Variants in ANKS1B observed in about 807,000 individuals in gnomAD.
ANKS1B encodes ankyrin repeat and sterile alpha motif domain-containing protein 1B.
Under a neutral mutation model 148.3 loss-of-function variants are expected in ANKS1B, and 36 were observed. The ratio of observed to expected loss-of-function variants is 0.24; its 90% confidence interval spans 0.19 to 0.32. The LOEUF is 0.32. Ranked by LOEUF, ANKS1B falls within the 10% of genes least tolerant of loss-of-function variation. The pLI, the probability that ANKS1B is intolerant of heterozygous loss-of-function variation, is 1.00. For synonymous variants in ANKS1B, 542 were observed against 560.8 expected (o/e 0.97, Z 0.47); for missense variants, 1,157 against 1,542.6 (o/e 0.75, Z 4.19).
At chr12:98,914,154 T>C (rs895522535) in intron 17 of ANKS1B, among the ~76,000 whole-genome samples, 2 of 152,254 alleles carry the variant, frequency 1.3e-5, no homozygotes, top group Admixed American at 1.3e-4. Flanking sequence ...CTCTATCCTC[T>C]TGGTGATGAG....
intron 16 of ANKS1B, among the ~76,000 whole-genome samples, chr12:99,075,570 C>T (rs2047583888): frequency 1.3e-5 from 2 of 152,062 alleles, no homozygotes; most frequent in Non-Finnish European, 2.9e-5. Context: ...ATTTATATAG[C>T]CCAAATAACT....
chr12:99,137,193 G>C (rs1174368681), intron 15 of ANKS1B, among the ~76,000 whole-genome samples: 2 of 152,174 alleles, frequency 1.3e-5, no homozygotes, highest in Non-Finnish European at 2.9e-5. Flanking sequence ...AAAGTGCACT[G>C]TTTTCTCTGT....
At chr12:99,442,528 T>A (rs2095565774) in intron 11 of ANKS1B, among the ~76,000 whole-genome samples, 1 of 151,648 alleles carries the variant, frequency 6.6e-6, no homozygotes, top group Admixed American at 6.6e-5. Flanking sequence ...AAAAAGAAAC[T>A]CCAAATCAGT....
At chr12:99,884,201 T>C (rs1025725837) in intron 1 of ANKS1B, among the ~76,000 whole-genome samples, 2 of 151,740 alleles carry the variant, frequency 1.3e-5, no homozygotes, top group Non-Finnish European at 2.9e-5. Context: ...TAAATAAAAA[T>C]CCACAAGAAC....
In ANKS1B at chr12:99,017,590, C is replaced by T. The variant is rs183352869; in HGVS notation, c.2778+35567G>A. On this transcript the variant is annotated intron_variant, in intron 17 of 26. Coordinates refer to ENST00000683438, the MANE Select transcript of ANKS1B (RefSeq NM_001352186.2). ...CAGAGGTAGACTCAGCATACGAAGA[C>T]TGTTTTCCATACCAGTATGATTCCA... Among the ~76,000 whole-genome samples the T allele has an allele frequency of 4.4e-3, 671 of 152,308 alleles. 19 individuals carry two copies. The highest frequency in any genetic ancestry group is 1.7e-3 in the Non-Finnish European group (113 of 68,020).
At chr12:99,498,786 AAAT>A (rs1325058998) in intron 10 of ANKS1B, among the ~76,000 whole-genome samples, 3 of 152,258 alleles carry the variant, frequency 2.0e-5, no homozygotes. Context: ...GTGCATCAAG[AAAT>A]GTCTCCACGT....
In ANKS1B at chr12:99,095,113, T is replaced by C. The variant is rs150660855; in HGVS notation, c.2527-10090A>G. Among the ~76,000 whole-genome samples the C allele has an allele frequency of 4.4e-3, 677 of 152,268 alleles. 4 individuals carry two copies. Among genetic ancestry groups the C allele is most frequent in the Middle Eastern group, 0.027 (8 of 294 alleles). ...TATGACAAGGATGAAATCAGAATAG[T>C]CTTTGATAAAGGTTCTATGTGGATA... On this transcript the variant is annotated intron_variant, in intron 15 of 26. Transcript: ENST00000683438.
intron 11 of ANKS1B, among the ~76,000 whole-genome samples, chr12:99,427,836 A>G (rs994956023): frequency 2.0e-5 from 3 of 152,168 alleles, no homozygotes; most frequent in African/African-American, 7.2e-5. Flanking sequence ...AAGAAAGAAC[A>G]GAAGTTAACC....
chr12:99,366,788 C>A (rs142221459), intron 12 of ANKS1B, among the ~76,000 whole-genome samples: 3 of 152,020 alleles, frequency 2.0e-5, no homozygotes, highest in African/African-American at 7.2e-5. Context: ...GGGAGCCTTT[C>A]TAACTATGAC....
At chr12:99,562,183 A>T (rs2153200650) in intron 9 of ANKS1B, among the ~76,000 whole-genome samples, 1 of 152,318 alleles carries the variant, frequency 6.6e-6, no homozygotes, top group South Asian at 2.1e-4. Context: ...TACTCAGTAA[A>T]CTATGCCATA....
chr12:98,971,112 G>A (rs1481332204), intron 17 of ANKS1B, among the ~76,000 whole-genome samples: 1 of 152,170 alleles, frequency 6.6e-6, no homozygotes, highest in Admixed American at 6.6e-5. Flanking sequence ...TGCTGGCTGG[G>A]TGACCTTGGC....
chr12:99,984,661 C>A lies in ANKS1B; in HGVS notation c.-424G>T, dbSNP rs368298790. ...AGCTGGAGCGGGAGCGCAGGGAACA[C>A]CCGCGGTGGCAGCAGCGGCCCGCGC... On this transcript the variant is annotated 5_prime_UTR_variant, in exon 1 of 27. Transcript: ENST00000683438. 6.5e-6 allele frequency: 1 copy of A among 153,968 alleles called. No individual in the cohort carries two copies. The highest frequency in any genetic ancestry group is 1.8e-4 in the South Asian group (1 of 5,630). 9.5% of individuals were successfully genotyped at this position (153,968 alleles called of 1,614,324 possible). A position where few individuals can be genotyped will look rare whatever the true frequency, so the allele number is the denominator to read the frequency against.
chr12:98,825,396 T>C (rs527685693), intron 19 of ANKS1B, among the ~76,000 whole-genome samples: 6 of 152,372 alleles, frequency 3.9e-5, no homozygotes, highest in Non-Finnish European at 8.8e-5. Flanking sequence ...AATTTTCTAA[T>C]AATTTAGAAA....
chr12:98,847,374 G>C lies in ANKS1B; in HGVS notation c.2779-15238C>G, dbSNP rs568562802. 3.2e-4 allele frequency among the ~76,000 whole-genome samples: 48 copies of C among 152,220 alleles called. 1 individual carries two copies. The East Asian group carries it at 7.9e-3, about 25-fold the overall frequency. On this transcript the variant is annotated intron_variant, in intron 17 of 26. Coordinates refer to ENST00000683438, the MANE Select transcript of ANKS1B (RefSeq NM_001352186.2). ...AGATCATATAGTATTTGCTTTCTGT[G>C]CCTGGCTTATTTCACTTAGCATAAT... is the stretch of plus-strand genomic sequence containing the variant.
chr12:99,699,407 A>G (rs777322424), intron 8 of ANKS1B, among the ~76,000 whole-genome samples: 140 of 152,034 alleles, frequency 9.2e-4, no homozygotes, highest in Admixed American at 2.4e-3. Flanking sequence ...TGACTTTCTT[A>G]AGCTATAAAA....
intron 17 of ANKS1B, among the ~76,000 whole-genome samples, chr12:98,959,397 G>T (rs1038851462): frequency 6.6e-6 from 1 of 152,134 alleles, no homozygotes; most frequent in African/African-American, 2.4e-5. Flanking sequence ...GGTAGAGGCT[G>T]GGTGGGCATG....
intron 8 of ANKS1B, among the ~76,000 whole-genome samples, chr12:99,696,679 G>T (rs1379377520): frequency 6.6e-6 from 1 of 151,932 alleles, no homozygotes; most frequent in East Asian, 1.9e-4. Flanking sequence ...AACATTTTAG[G>T]TGCAACACTG....
intron 1 of ANKS1B, among the ~76,000 whole-genome samples, chr12:99,922,768 G>A (rs538641341): frequency 6.6e-6 from 1 of 151,426 alleles, no homozygotes; most frequent in South Asian, 2.1e-4. Context: ...GGGTATGAAG[G>A]CTCTGCCCTT....
At chr12:99,357,841 C>T (rs193045598) in intron 12 of ANKS1B, among the ~76,000 whole-genome samples, 2,471 of 152,030 alleles carry the variant, frequency 0.016, 70 homozygotes, top group African/African-American at 0.056. Flanking sequence ...ATTGTAACTA[C>T]AATACATGAT....
Sources: gnomAD v4.1 joint callset for allele counts (sites outside exome capture counted in the v4.1 genomes callset) on GRCh38, gnomAD v4.1.1 for gene constraint, MANE v1.5 for transcripts, NCBI Gene and HGNC (gene_info 2026-07-23, HGNC 2026-07-21) for gene names.